Variants in SGCD observed in about 807,000 individuals in gnomAD.
SGCD encodes the protein sarcoglycan delta.
In SGCD, 18 loss-of-function variants were observed where a neutral mutation model predicts 36.6. The ratio of observed to expected loss-of-function variants is 0.49; its 90% CI spans 0.34 to 0.73. SGCD has a LOEUF of 0.73. Ranked by LOEUF, SGCD falls within the 30% of genes least tolerant of loss-of-function variation. The pLI, the probability that SGCD is intolerant of heterozygous loss-of-function variation, is 0.01. For synonymous variants in SGCD, 133 were observed against 130.6 expected, an observed-to-expected ratio of 1.02 and a Z score of -0.12; for missense variants, 387 against 346.7, an observed-to-expected ratio of 1.12 and a Z score of -0.92.
chr5:156,039,669 T>A (rs774324414), intron 1 of SGCD, among the ~76,000 whole-genome samples: 69 of 152,186 alleles, frequency 4.5e-4, no homozygotes, highest in Non-Finnish European at 8.4e-4. Flanking sequence ...CTTAAAGAAT[T>A]GTATGTTTTC....
chr5:156,573,310 C>T (rs1759797094), intron 4 of SGCD, among the ~76,000 whole-genome samples: 1 of 152,132 alleles, frequency 6.6e-6, no homozygotes, highest in South Asian at 2.1e-4. Context: ...TTCTGTAAAT[C>T]TGAGAATCAC....
At chr5:156,645,402 A>G (rs1167295655) in intron 6 of SGCD, among the ~76,000 whole-genome samples, 8 of 152,158 alleles carry the variant, frequency 5.3e-5, no homozygotes, top group Non-Finnish European at 7.3e-5. Context: ...CAGAAACCTG[A>G]TAGCACTTGG....
chr5:156,489,520 C>T (rs1400242611), intron 3 of SGCD, among the ~76,000 whole-genome samples: 1 of 151,948 alleles, frequency 6.6e-6, no homozygotes, highest in East Asian at 1.9e-4. Context: ...TCAAACATAT[C>T]TTGCATCTCC....
intron 8 of SGCD, among the ~76,000 whole-genome samples, chr5:156,758,600 C>T (rs1448722995): frequency 1.3e-5 from 2 of 152,146 alleles, no homozygotes; most frequent in Non-Finnish European, 2.9e-5. Context: ...AAACCACACA[C>T]ATATAAAAAT....
intron 1 of SGCD, among the ~76,000 whole-genome samples, chr5:155,873,803 G>A (rs78541968): frequency 0.045 from 6,855 of 152,096 alleles, 204 homozygotes; most frequent in Middle Eastern, 0.068. Flanking sequence ...GACTCACCAG[G>A]GGGAAAAGTA....
At chr5:156,530,857 C>T (rs553406006) in intron 4 of SGCD, among the ~76,000 whole-genome samples, 3 of 151,648 alleles carry the variant, frequency 2.0e-5, no homozygotes, top group East Asian at 4.0e-4. Flanking sequence ...GGATTACAGG[C>T]GTGAGCCACC....
intron 1 of SGCD, among the ~76,000 whole-genome samples, chr5:155,898,089 A>G (rs1253106880): frequency 1.3e-5 from 2 of 152,192 alleles, no homozygotes; most frequent in Admixed American, 1.3e-4. Flanking sequence ...TTTTCCATTG[A>G]CACATTATAT....
At chr5:156,670,078 C>A (rs558454615) in intron 7 of SGCD, among the ~76,000 whole-genome samples, 12 of 152,050 alleles carry the variant, frequency 7.9e-5, no homozygotes, top group Admixed American at 6.5e-4. Context: ...CTCATCATTC[C>A]CAGACAAGTG....
chr5:156,616,670 G>A lies in SGCD; in HGVS notation c.502+21619G>A, dbSNP rs531546332. Reference sequence around the variant, plus strand: ...CTCTGCATAGAATCCTCTTTTCCAAGATGTACTAATGGCCTCTTCCTTTGT... The same window carrying A: ...CTCTGCATAGAATCCTCTTTTCCAAAATGTACTAATGGCCTCTTCCTTTGT... On this transcript the variant is annotated intron_variant, in intron 6 of 8. Coordinates refer to ENST00000337851, the MANE Select transcript of SGCD (RefSeq NM_000337.6). Among the ~76,000 whole-genome samples the A allele has an allele frequency of 4.6e-5, 7 of 152,218 alleles. No homozygotes were observed. In the South Asian group the frequency reaches 1.5e-3, roughly 32 times the overall value.
intron 3 of SGCD, among the ~76,000 whole-genome samples, chr5:156,457,930 C>T (rs191023285): frequency 2.6e-5 from 4 of 152,218 alleles, no homozygotes; most frequent in Admixed American, 6.6e-5. Flanking sequence ...TGACTTTGGG[C>T]GGTTTAGGAC....
chr5:156,071,555 G>A (rs138634965), intron 1 of SGCD, among the ~76,000 whole-genome samples: 9,974 of 152,226 alleles, frequency 0.066, 1,043 homozygotes, highest in African/African-American at 0.22. Flanking sequence ...TTCCAACTAT[G>A]TGGTCAGTTT....
intron 7 of SGCD, among the ~76,000 whole-genome samples, chr5:156,736,114 G>A: frequency 6.6e-6 from 1 of 152,156 alleles, no homozygotes; most frequent in Non-Finnish European, 1.5e-5. Context: ...TTCTCTGTGG[G>A]TCGAGTTGTT....
Position 156,285,364 on chromosome 5 carries a change from A to G in SGCD, c.-43-44170A>G, listed in dbSNP as rs193158499. On this transcript the variant is annotated intron_variant, in intron 3 of 9. Coordinates refer to the SGCD transcript ENST00000517913. ...GAACCCAAAAAGAGCCTGCATTGCC[A>G]TGTGAATCCTAAGCCAAAAGAACAA... Among the ~76,000 whole-genome samples the G allele has an allele frequency of 2.6e-5, 4 of 152,344 alleles. No homozygotes were observed. In the East Asian group the frequency reaches 7.7e-4, roughly 29 times the overall value.
chr5:156,248,380 CGTG>C (rs1765489988), intron 3 of SGCD, among the ~76,000 whole-genome samples: 1 of 151,800 alleles, frequency 6.6e-6, no homozygotes, highest in Non-Finnish European at 1.5e-5. Flanking sequence ...ATTACCCGGG[CGTG>C]GTAGCATGTG....
At chr5:155,895,093 G>A (rs1237284679) in intron 1 of SGCD, among the ~76,000 whole-genome samples, 3 of 152,294 alleles carry the variant, frequency 2.0e-5, no homozygotes, top group Middle Eastern at 3.4e-3. Context: ...TCTGATCACT[G>A]CCACTGGAGG....
At chr5:156,086,799 TA>T (rs560848862) in intron 1 of SGCD, among the ~76,000 whole-genome samples, 70 of 152,176 alleles carry the variant, frequency 4.6e-4, no homozygotes, top group Middle Eastern at 6.8e-3. Context: ...AAACATAAAA[TA>T]AACAAGGAAG....
intron 7 of SGCD, among the ~76,000 whole-genome samples, chr5:156,747,618 G>A (rs111281858): frequency 6.6e-5 from 10 of 152,190 alleles, no homozygotes; most frequent in East Asian, 1.9e-4. Flanking sequence ...CATGGTAGCC[G>A]GCTTCCCTCA....
At chr5:156,310,674 T>G (rs1767370026) in intron 3 of SGCD, among the ~76,000 whole-genome samples, 1 of 152,236 alleles carries the variant, frequency 6.6e-6, no homozygotes, top group Non-Finnish European at 1.5e-5. Flanking sequence ...CCTTACCATC[T>G]TCCCATAATC....
At position 156,229,277 on chromosome 5, in the gene SGCD, C is replaced by CACATATATATATATATATATATATAT. The variant is rs1554085595; in HGVS notation, c.-43-100256_-43-100255insCATATATATATATATATATATATATA. ...ACATACATACATATATATATACATA[C>CACATATATATATATATATATATATAT]ATATATATATATATATATATATAAA... On this transcript the variant is annotated intron_variant, in intron 3 of 9. Transcript: ENST00000517913. Among the ~76,000 whole-genome samples the CACATATATATATATATATATATATAT allele has an allele frequency of 9.6e-3, 542 of 56,338 alleles. 10 individuals carry two copies. Among genetic ancestry groups the CACATATATATATATATATATATATAT allele is most frequent in the Non-Finnish European group, 0.012 (353 of 30,350 alleles). 37.0% of individuals were successfully genotyped at this position (56,338 alleles called of 152,430 possible). A position where few individuals can be genotyped will look rare whatever the true frequency, so the allele number is the denominator to read the frequency against.
Sources: allele counts gnomAD v4.1 joint callset (sites outside exome capture counted in the v4.1 genomes callset), GRCh38; gene constraint gnomAD v4.1.1; transcripts MANE v1.5; gene names NCBI Gene and HGNC (gene_info 2026-07-23, HGNC 2026-07-21).